The following DDX19A variants were observed in gnomAD, a reference collection of about 807,000 sequenced individuals.
The protein encoded by DDX19A is ATP-dependent RNA helicase DDX19A.
In DDX19A, 12 loss-of-function variants were observed where a neutral mutation model predicts 60.6. The observed-to-expected ratio is 0.20, with a 90% CI of 0.13 to 0.32. The LOEUF (loss-of-function observed/expected upper bound fraction) is 0.32, where lower values mean the gene tolerates loss of function less well. DDX19A is among the 10% of genes least tolerant of loss of function. DDX19A has a pLI of 1.00. For missense variants in DDX19A, 337 were observed against 600.6 expected (o/e 0.56, Z 4.59); for synonymous variants, 206 against 218.2 (o/e 0.94, Z 0.49).
intron 1 of DDX19A, among the ~76,000 whole-genome samples, chr16:70,348,648 AAG>A (rs1252890911): frequency 5.6e-5 from 2 of 35,562 alleles, no homozygotes; most frequent in South Asian, 6.8e-4. Flanking sequence ...AAAAAAAAAA[AAG>A]AGGTGAAGGC....
At chr16:70,356,833 C>T in intron 4 of DDX19A, 1 of 1,220,386 alleles carries the variant, frequency 8.2e-7, no homozygotes, top group South Asian at 1.3e-5. Flanking sequence ...TCTTATTTCT[C>T]TTATACTCTT....
intron 2 of DDX19A, among the ~76,000 whole-genome samples, chr16:70,354,945 T>A (rs1964135835): frequency 6.6e-6 from 1 of 151,474 alleles, no homozygotes; most frequent in South Asian, 2.1e-4. Flanking sequence ...GAGGTTGTAG[T>A]GAGCTATGAT....
At chr16:70,365,702 C>G (rs1432518170) in intron 7 of DDX19A, 1 of 282,538 alleles carries the variant, frequency 3.5e-6, no homozygotes, top group Non-Finnish European at 6.8e-6. Context: ...ATCGCTTGAA[C>G]CTGTGTGGTC....
chr16:70,362,034 G>A (rs1015814389), intron 5 of DDX19A, among the ~76,000 whole-genome samples: 11 of 151,830 alleles, frequency 7.2e-5, no homozygotes, highest in African/African-American at 2.4e-4. Context: ...AAATATCCAG[G>A]CCTGTTGGCA....
intron 3 of DDX19A, 26 bp from the exon 4 acceptor site, chr16:70,356,086 A>G: frequency 6.2e-7 from 1 of 1,612,676 alleles, no homozygotes; most frequent in Non-Finnish European, 8.5e-7. Context: ...GATGAGTATG[A>G]AGATCTACTG....
rs753152601 is a variant in DDX19A, at chr16:70,347,038, C to T, written c.47C>T (p.Ala16Val). Residue 16 changes from alanine (A) to valine (V), a missense_variant, in exon 1 of 12, where the codon GCT (alanine) becomes GTT (valine). This residue lies in a region of DDX19A where 127 missense variants were observed against 160.3 expected (regional missense o/e 0.79). Transcript: ENST00000302243. ...WALAVDEQEA[A>V]VKSMTNLQIK... Reference sequence around the variant, plus strand: ...CTGGCGGTGGACGAGCAGGAAGCGGCTGTCAAGTCGGTCAGTAGCTCAGCT... The same window carrying T: ...CTGGCGGTGGACGAGCAGGAAGCGGTTGTCAAGTCGGTCAGTAGCTCAGCT... The T allele has an allele frequency of 6.2e-7, 1 of 1,612,242 alleles. No homozygotes were observed. Among genetic ancestry groups the T allele is most frequent in the Admixed American group, 1.7e-5 (1 of 59,874 alleles).
In DDX19A at chr16:70,365,145, G is replaced by A; in HGVS notation, c.604+14G>A. On this transcript the variant is annotated intron_variant, in intron 7 of 11. Coordinates refer to ENST00000302243, the MANE Select transcript of DDX19A (RefSeq NM_018332.5). ...GAGGCAATAAATGTGAGTACGGCAG[G>A]CGACAACTGAACAGTGAGCAGGGTA... 6.4e-7 allele frequency: 1 copy of A among 1,568,600 alleles called. No individual in the cohort carries two copies.
At chr16:70,352,811 T>G (rs1964064165) in intron 2 of DDX19A, among the ~76,000 whole-genome samples, 2 of 151,424 alleles carry the variant, frequency 1.3e-5, no homozygotes. Flanking sequence ...TAATTTTGTG[T>G]TTTTTTAGTA....
At chr16:70,368,379 TCTC>T (rs1490898144) in intron 9 of DDX19A, among the ~76,000 whole-genome samples, 3 of 151,706 alleles carry the variant, frequency 2.0e-5, no homozygotes, top group African/African-American at 4.8e-5. Flanking sequence ...TTCAAGCAAT[TCTC>T]CTGCCCCAGC....
intron 6 of DDX19A, 70 bp from the exon 7 acceptor site, chr16:70,364,947 C>A: frequency 8.5e-7 from 1 of 1,170,634 alleles, no homozygotes; most frequent in Non-Finnish European, 1.3e-6. Context: ...ATAACATCAG[C>A]ATACTGGGTG....
rs529888453 is a variant in DDX19A at position 70,356,036 on chromosome 16, A to C, written c.158-76A>C. On this transcript the variant is annotated intron_variant, in intron 3 of 11. Transcript: ENST00000302243. ...CTTGACTGCCCAGGTGCTAGTGTGG[A>C]GAGGGAGAAAGAGTGGCTTCATAAG... 3.7e-5 allele frequency: 59 copies of C among 1,590,100 alleles called. 2 individuals are homozygous for C. The East Asian group carries it at 1.3e-3, about 36-fold the overall frequency.
At chr16:70,356,823 T>C in intron 4 of DDX19A, 1 of 1,168,780 alleles carries the variant, frequency 8.6e-7, no homozygotes, top group African/African-American at 1.6e-5. Context: ...TAGCTAAAAG[T>C]CTTATTTCTC....
intron 5 of DDX19A, among the ~76,000 whole-genome samples, chr16:70,361,899 G>A (rs529612778): frequency 1.3e-5 from 2 of 152,054 alleles, no homozygotes; most frequent in Admixed American, 6.6e-5. Flanking sequence ...AGCTGGGCAC[G>A]GTGGCCCAAA....
chr16:70,361,317 G>T lies in DDX19A; in HGVS notation c.294-101G>T, dbSNP rs1305426596. On this transcript the variant is annotated intron_variant, in intron 4 of 11. Transcript: ENST00000302243. ...GCATAGGAAAATACGTCTGACAGAG[G>T]TAGGAGGCATCATTCCTTTCTATAG... is the stretch of plus-strand genomic sequence containing the variant. The T allele has an allele frequency of 3.3e-6, 3 of 902,070 alleles. No homozygotes were observed. The East Asian group carries it at 7.3e-5, about 22-fold the overall frequency. The allele number at this position is 902,070 out of a possible 1,614,324, so 55.9% of individuals were successfully genotyped here. A position where few individuals can be genotyped will look rare whatever the true frequency, so the allele number is the denominator to read the frequency against.
At chr16:70,353,672 G>A (rs145359684) in intron 2 of DDX19A, among the ~76,000 whole-genome samples, 3,517 of 143,770 alleles carry the variant, frequency 0.024, 65 homozygotes, top group Middle Eastern at 0.042. Context: ...AGGCTGAGGC[G>A]GGTGGATCAC....
chr16:70,357,373 T>TTG (rs1964241970), intron 4 of DDX19A, among the ~76,000 whole-genome samples: 1 of 39,178 alleles, frequency 2.6e-5, no homozygotes. Flanking sequence ...TTTGTTTTTT[T>TTG]TTTTTTTTTT....
chr16:70,349,676 G>C (rs1963954266), intron 1 of DDX19A, among the ~76,000 whole-genome samples: 1 of 152,178 alleles, frequency 6.6e-6, no homozygotes, highest in South Asian at 2.1e-4. Flanking sequence ...ATTATCAAGG[G>C]CATGGTCCTT....
At chr16:70,353,520 G>C (rs1289449827) in intron 2 of DDX19A, among the ~76,000 whole-genome samples, 1 of 151,886 alleles carries the variant, frequency 6.6e-6, no homozygotes, top group Non-Finnish European at 1.5e-5. Flanking sequence ...CATGAGGTCA[G>C]CCCTATCAGA....
intron 5 of DDX19A, among the ~76,000 whole-genome samples, chr16:70,362,619 C>G (rs1446361947): frequency 6.6e-6 from 1 of 152,030 alleles, no homozygotes; most frequent in African/African-American, 2.4e-5. Context: ...ATTCTGTTTC[C>G]CCATCTAGAG....
Sources: allele counts gnomAD v4.1 joint callset (sites outside exome capture counted in the v4.1 genomes callset), GRCh38; gene constraint gnomAD v4.1.1; regional missense constraint gnomAD v4.1.1; transcripts MANE v1.5; gene names NCBI Gene and HGNC (gene_info 2026-07-23, HGNC 2026-07-21).